The following BTBD9 variants were observed in gnomAD, a reference collection of about 807,000 sequenced individuals.
BTBD9 encodes BTB domain containing 9.
BTBD9 carries 49 observed loss-of-function variants against 64.3 expected under a neutral mutation model. The ratio of observed to expected loss-of-function variants is 0.76; its 90% CI spans 0.61 to 0.97. BTBD9 has a LOEUF of 0.97. Ranked by LOEUF, BTBD9 falls within the 50% of genes least tolerant of loss-of-function variation. BTBD9 has a pLI of 0.00. For synonymous variants in BTBD9, 260 were observed against 274.7 expected (o/e 0.95, Z 0.53); for missense variants, 598 against 762.1 (o/e 0.78, Z 2.53).
At chr6:38,604,880 T>C (rs1442603495) in intron 1 of BTBD9, among the ~76,000 whole-genome samples, 3 of 152,154 alleles carry the variant, frequency 2.0e-5, no homozygotes, top group Non-Finnish European at 2.9e-5. Flanking sequence ...TTGTATGTAT[T>C]TATTTTAGAC....
intron 9 of BTBD9, among the ~76,000 whole-genome samples, chr6:38,220,744 C>T (rs1763172364): frequency 6.6e-6 from 1 of 152,216 alleles, no homozygotes; most frequent in Non-Finnish European, 1.5e-5. Flanking sequence ...AAAAATGCAG[C>T]CGAAAGAATA....
chr6:38,263,259 G>A (rs561841869), intron 8 of BTBD9, among the ~76,000 whole-genome samples: 1 of 152,268 alleles, frequency 6.6e-6, no homozygotes, highest in Non-Finnish European at 1.5e-5. Flanking sequence ...GTAACATTAG[G>A]CAAGTCACTT....
intron 6 of BTBD9, among the ~76,000 whole-genome samples, chr6:38,394,702 T>C (rs1766587428): frequency 6.6e-6 from 1 of 151,948 alleles, no homozygotes; most frequent in African/African-American, 2.4e-5. Context: ...CTTTGCTTTC[T>C]CTTAGATCAC....
chr6:38,613,410 T>C (rs1047725083), intron 1 of BTBD9, among the ~76,000 whole-genome samples: 1 of 152,084 alleles, frequency 6.6e-6, no homozygotes, highest in South Asian at 2.1e-4. Flanking sequence ...TTACCTGAGG[T>C]CAGGAATTTG....
At chr6:38,368,611 G>A (rs939697680) in intron 6 of BTBD9, among the ~76,000 whole-genome samples, 7 of 152,106 alleles carry the variant, frequency 4.6e-5, no homozygotes, top group African/African-American at 1.7e-4. Context: ...AGGATTACAG[G>A]TGTGAGCCAC....
chr6:38,435,071 G>A (rs2127299967), intron 6 of BTBD9, among the ~76,000 whole-genome samples: 1 of 151,600 alleles, frequency 6.6e-6, no homozygotes, highest in Admixed American at 6.6e-5. Context: ...GCACATGCCT[G>A]TAATCCCAGC....
intron 6 of BTBD9, chr6:38,402,825 T>C: frequency 1.4e-6 from 1 of 700,972 alleles, no homozygotes; most frequent in Non-Finnish European, 2.6e-6. Flanking sequence ...ACCTGCACTT[T>C]GGAAGGCCAA....
intron 6 of BTBD9, among the ~76,000 whole-genome samples, chr6:38,443,712 A>C (rs1769146120): frequency 6.6e-6 from 1 of 152,134 alleles, no homozygotes; most frequent in African/African-American, 2.4e-5. Flanking sequence ...GCCAAGTCCT[A>C]AACTGGCTTC....
chr6:38,587,694 C>A, intron 4 of BTBD9: 1 of 633,272 alleles, frequency 1.6e-6, no homozygotes, highest in Non-Finnish European at 3.0e-6. Context: ...TATTGGATAG[C>A]TTGGAACCAC....
intron 6 of BTBD9, among the ~76,000 whole-genome samples, chr6:38,445,245 T>C (rs1157073247): frequency 1.3e-5 from 2 of 152,234 alleles, no homozygotes; most frequent in Non-Finnish European, 2.9e-5. Flanking sequence ...CAGTATAACC[T>C]AGCCTATTCT....
chr6:38,593,087 C>T (rs1442432462), intron 3 of BTBD9, among the ~76,000 whole-genome samples: 2 of 152,212 alleles, frequency 1.3e-5, no homozygotes, highest in Non-Finnish European at 2.9e-5. Flanking sequence ...TTTCCAAACA[C>T]ATCTGCATTC....
At chr6:38,287,370 T>C (rs1055482377) in intron 8 of BTBD9, among the ~76,000 whole-genome samples, 10 of 152,102 alleles carry the variant, frequency 6.6e-5, no homozygotes, top group South Asian at 2.1e-4. Context: ...CTCGAACTCC[T>C]GAGCTTTCAA....
chr6:38,256,541 T>C, intron 8 of BTBD9, 25 bp from the exon 9 acceptor site: 1 of 1,515,056 alleles, frequency 6.6e-7, no homozygotes, highest in Non-Finnish European at 9.2e-7. Flanking sequence ...AAACATAAGA[T>C]TGCTGTAAAT....
intron 7 of BTBD9, among the ~76,000 whole-genome samples, chr6:38,294,859 A>C (rs2127559514): frequency 6.6e-6 from 1 of 152,160 alleles, no homozygotes; most frequent in Admixed American, 6.5e-5. Flanking sequence ...TATACTCTCA[A>C]CTAATTGCTC....
intron 7 of BTBD9, among the ~76,000 whole-genome samples, chr6:38,290,877 G>A (rs1230012483): frequency 1.3e-5 from 2 of 152,184 alleles, no homozygotes; most frequent in African/African-American, 4.8e-5. Context: ...ATTAAGCCTG[G>A]ATGAAAGAGC....
intron 1 of BTBD9, among the ~76,000 whole-genome samples, chr6:38,635,829 G>C (rs572014205): frequency 1.2e-4 from 18 of 152,072 alleles, no homozygotes; most frequent in Non-Finnish European, 2.4e-4. Context: ...TCTTGTCTTA[G>C]TTTGTTTTGT....
Position 38,592,841 on chromosome 6 carries a change from C to G in BTBD9, c.550-1G>C, listed in dbSNP as rs1776864273. 6.2e-7 allele frequency: 1 copy of G among 1,613,150 alleles called. No homozygotes were observed. The highest frequency in any genetic ancestry group is 1.1e-5 in the South Asian group (1 of 90,938). On this transcript the variant is annotated splice_acceptor_variant, in intron 3 of 10. Coordinates refer to ENST00000481247, the MANE Select transcript of BTBD9 (RefSeq NM_001099272.2). LOFTEE classifies it high-confidence loss of function. ...TTAACACGATGTTTAAAAGTGCTGT[C>G]TGAAAAGGATAAAAAGGTAAAATTC...
chr6:38,491,037 G>A (rs1771678983), intron 6 of BTBD9, among the ~76,000 whole-genome samples: 1 of 152,206 alleles, frequency 6.6e-6, no homozygotes, highest in African/African-American at 2.4e-5. Flanking sequence ...AGTGGTACAA[G>A]TTTTGATGTA....
intron 9 of BTBD9, among the ~76,000 whole-genome samples, chr6:38,202,085 G>GTTTTTTTTTT (rs147043026): frequency 5.0e-5 from 6 of 120,616 alleles, no homozygotes; most frequent in Non-Finnish European, 6.7e-5. Flanking sequence ...CGTTTTTTTT[G>GTTTTTTTTTT]TTTTTTTTTT....
Sources: allele counts gnomAD v4.1 joint callset (sites outside exome capture counted in the v4.1 genomes callset), GRCh38; gene constraint gnomAD v4.1.1; transcripts MANE v1.5; gene names NCBI Gene and HGNC (gene_info 2026-07-23, HGNC 2026-07-21).